SESTD1: variants seen among roughly 807,000 people sequenced by gnomAD.
SESTD1 encodes SEC14 domain and spectrin repeat-containing protein 1.
In SESTD1, 43 loss-of-function variants were observed where a neutral mutation model predicts 101.7. That is an observed-to-expected ratio of 0.42 (90% CI 0.33 to 0.55). The LOEUF (loss-of-function observed/expected upper bound fraction) is 0.55, where lower values mean the gene tolerates loss of function less well. SESTD1 is among the 20% of genes least tolerant of loss of function. The pLI is 0.07. For missense variants in SESTD1, 647 were observed against 815.1 expected, an observed-to-expected ratio of 0.79 and a Z score of 2.51; for synonymous variants, 283 against 286.8, an observed-to-expected ratio of 0.99 and a Z score of 0.13.
chr2:179,174,529 T>G (rs1414710449), intron 4 of SESTD1: 31 of 430,168 alleles, frequency 7.2e-5, no homozygotes, highest in South Asian at 5.2e-4. Flanking sequence ...TCTTACCTAA[T>G]AGTTATTTTA....
rs368206284 is a variant in SESTD1 at position 179,182,999 on chromosome 2, G to C, written c.164+81C>G. ...GAATAAAAGCAGATAAGATAGCAAA[G>C]TATAATTCAACAATAGAAAGAATCA... On this transcript the variant is annotated intron_variant, in intron 3 of 17. Coordinates refer to ENST00000428443, the MANE Select transcript of SESTD1 (RefSeq NM_178123.5). 4.4e-4 allele frequency: 412 copies of C among 940,972 alleles called. 1 individual carries two copies. The highest frequency in any genetic ancestry group is 5.9e-4 in the Non-Finnish European group (378 of 636,032). The allele number at this position is 940,972 out of a possible 1,614,324, so 58.3% of individuals were successfully genotyped here.
chr2:179,210,115 T>A lies in SESTD1; in HGVS notation c.-25-18249A>T, dbSNP rs1385168767. ...GGAGATGGGTAAATTCCTGGAAATA[T>A]ACAACCCTCCTAGATTAAACCAGGA... On this transcript the variant is annotated intron_variant, in intron 1 of 17. Transcript: ENST00000428443. Among the ~76,000 whole-genome samples, 4 of 132,934 alleles carry A rather than the reference T, an allele frequency of 3.0e-5. No individual in the cohort carries two copies. In the East Asian group the frequency reaches 8.0e-4, roughly 27 times the overall value. The allele number at this position is 132,934 out of a possible 152,430, so 87.2% of individuals were successfully genotyped here.
intron 1 of SESTD1, among the ~76,000 whole-genome samples, chr2:179,237,806 GAGTC>G (rs2047091461): frequency 6.6e-6 from 1 of 152,058 alleles, no homozygotes; most frequent in African/African-American, 2.4e-5. Context: ...GACTCCATGG[GAGTC>G]AGTATCTTTA....
Position 179,189,015 on chromosome 2 carries a change from G to A in SESTD1, c.55+2772C>T, listed in dbSNP as rs1009118453. 2.6e-5 allele frequency among the ~76,000 whole-genome samples: 4 copies of A among 152,148 alleles called. No homozygotes were observed. In the South Asian group the frequency reaches 6.2e-4, roughly 24 times the overall value. ...CTACCAGACATACAGAGAAGAGCTA[G>A]TACCAATCCTACTGAAATTATTCCA... On this transcript the variant is annotated intron_variant, in intron 2 of 17. Coordinates refer to ENST00000428443, the MANE Select transcript of SESTD1 (RefSeq NM_178123.5).
Position 179,214,729 on chromosome 2 carries a change from T to C in SESTD1, c.-25-22863A>G, listed in dbSNP as rs1288225541. Among the ~76,000 whole-genome samples, 3 of 135,130 alleles carry C rather than the reference T, an allele frequency of 2.2e-5. No individual in the cohort carries two copies. In the East Asian group the frequency reaches 6.0e-4, roughly 27 times the overall value. The allele number at this position is 135,130 out of a possible 152,430, so 88.7% of individuals were successfully genotyped here. A position where few individuals can be genotyped will look rare whatever the true frequency, so the allele number is the denominator to read the frequency against. Reference sequence around the variant, plus strand: ...CACACTTATTCTAAAATTGACCACGTAATTGGAAGTAAAGCACTTCTGAGC... The same window carrying C: ...CACACTTATTCTAAAATTGACCACGCAATTGGAAGTAAAGCACTTCTGAGC... On this transcript the variant is annotated intron_variant, in intron 1 of 17. Transcript: ENST00000428443.
At chr2:179,235,409 A>T (rs1470811031) in intron 1 of SESTD1, among the ~76,000 whole-genome samples, 1 of 152,188 alleles carries the variant, frequency 6.6e-6, no homozygotes, top group African/African-American at 2.4e-5. Flanking sequence ...TATCTTTGCA[A>T]TTTTTCTATA....
At chr2:179,223,142 C>G (rs943217460) in intron 1 of SESTD1, among the ~76,000 whole-genome samples, 1 of 151,794 alleles carries the variant, frequency 6.6e-6, no homozygotes, top group African/African-American at 2.4e-5. Context: ...TACGATATAA[C>G]GAGGATAAAC....
In SESTD1 at chr2:179,124,350, G is replaced by C; in HGVS notation, c.1167+14C>G. 1 of 1,610,062 alleles carries C rather than the reference G, an allele frequency of 6.2e-7. No homozygotes were observed. The highest frequency in any genetic ancestry group is 8.5e-7 in the Non-Finnish European group (1 of 1,177,274). ...TAATTTGAAGAAAAGAAAAGAATCA[G>C]AATAGACACTTACATCTTGGGCAAC... On this transcript the variant is annotated intron_variant, in intron 11 of 17. Transcript: ENST00000428443.
At chr2:179,114,937 C>T (rs967579746) in intron 16 of SESTD1, 128 bp downstream of exon 16, 4 of 800,452 alleles carry the variant, frequency 5.0e-6, no homozygotes, top group Admixed American at 3.1e-5. Flanking sequence ...CTAAACAAAC[C>T]GTAACAACGG....
intron 13 of SESTD1, among the ~76,000 whole-genome samples, chr2:179,119,567 G>A (rs2044703459): frequency 6.6e-6 from 1 of 152,136 alleles, no homozygotes; most frequent in South Asian, 2.1e-4. Context: ...TCTGTTTCCT[G>A]AGGCCTCTCC....
At chr2:179,257,364 G>A (rs980953946) in intron 1 of SESTD1, among the ~76,000 whole-genome samples, 19 of 152,186 alleles carry the variant, frequency 1.2e-4, no homozygotes, top group African/African-American at 3.6e-4. Flanking sequence ...CAGAGGATCC[G>A]TAGCACTGTT....
intron 1 of SESTD1, among the ~76,000 whole-genome samples, chr2:179,194,389 T>C (rs2046360327): frequency 6.6e-6 from 1 of 152,168 alleles, no homozygotes; most frequent in Admixed American, 6.5e-5. Flanking sequence ...TAATGTCTGA[T>C]CTTTCCCAAA....
intron 9 of SESTD1, among the ~76,000 whole-genome samples, chr2:179,138,598 T>C (rs1438785099): frequency 6.6e-6 from 1 of 152,094 alleles, no homozygotes; most frequent in African/African-American, 2.4e-5. Flanking sequence ...TAACAAAAAC[T>C]ATCACAAAGG....
chr2:179,110,120 A>G (rs371342651), intron 17 of SESTD1, 92 bp from the exon 18 acceptor site: 9 of 1,299,862 alleles, frequency 6.9e-6, no homozygotes, highest in Non-Finnish European at 6.5e-6. Context: ...ACCATAAAAA[A>G]TCTACATGAG....
At chr2:179,132,239 A>G (rs1049815270) in intron 10 of SESTD1, 65 bp downstream of exon 10, 7 of 1,481,584 alleles carry the variant, frequency 4.7e-6, no homozygotes, top group Non-Finnish European at 6.2e-6. Context: ...ACTCAGTACC[A>G]CATATGCTAC....
chr2:179,175,304 C>T (rs886395260), intron 4 of SESTD1, among the ~76,000 whole-genome samples: 25 of 152,114 alleles, frequency 1.6e-4, no homozygotes, highest in Non-Finnish European at 8.8e-5. Context: ...CCTTGAATCC[C>T]TTTCTCCCAA....
chr2:179,219,768 C>T (rs1014673462), intron 1 of SESTD1, among the ~76,000 whole-genome samples: 1 of 152,108 alleles, frequency 6.6e-6, no homozygotes. Context: ...GGTTTTGCAA[C>T]AATATTGACA....
chr2:179,219,753 A>G (rs991567270), intron 1 of SESTD1, among the ~76,000 whole-genome samples: 1 of 152,226 alleles, frequency 6.6e-6, no homozygotes, highest in Admixed American at 6.5e-5. Context: ...CATGATTACT[A>G]ATCTGGTTTT....
chr2:179,257,767 T>C (rs566171042), intron 1 of SESTD1, among the ~76,000 whole-genome samples: 2 of 152,344 alleles, frequency 1.3e-5, no homozygotes, highest in East Asian at 3.9e-4. Flanking sequence ...TAGTTCTGGC[T>C]TTCTAGTAGC....
Sources: gnomAD v4.1 joint callset for allele counts (sites outside exome capture counted in the v4.1 genomes callset) on GRCh38, gnomAD v4.1.1 for gene constraint, MANE v1.5 for transcripts, NCBI Gene and HGNC (gene_info 2026-07-23, HGNC 2026-07-21) for gene names.